The following SHQ1 variants were observed in gnomAD, a reference collection of about 807,000 sequenced individuals.
SHQ1 encodes protein SHQ1 homolog.
Under a neutral mutation model 53.8 loss-of-function variants are expected in SHQ1, and 49 were observed. The ratio of observed to expected loss-of-function variants is 0.91; its 90% CI spans 0.72 to 1.16. The LOEUF (loss-of-function observed/expected upper bound fraction) is 1.16, where lower values mean the gene tolerates loss of function less well. Ranked by LOEUF, SHQ1 falls within the 50% of genes most tolerant of loss-of-function variation. The pLI is 0.00. For synonymous variants in SHQ1, 243 were observed against 251.0 expected (o/e 0.97, Z 0.30); for missense variants, 738 against 683.1 (o/e 1.08, Z -0.90).
chr3:72,750,834 G>A lies in SHQ1; in HGVS notation c.1184C>T (p.Ser395Phe), dbSNP rs761557327. Residue 395 changes from serine to phenylalanine, a missense_variant and splice_region_variant, in exon 11 of 11, where the codon TCC becomes TTC. Physicochemically the swap from Ser to Phe is radical, Grantham distance 155. Coordinates refer to ENST00000325599, the MANE Select transcript of SHQ1 (RefSeq NM_018130.3). ...DYCVWIQKVK[S>F]KKLAALAEAL... The stretch of plus-strand genomic sequence containing the variant: ...TTCTGCAAGAGCTGCCAACTTTTTG[G>A]ATCTTGAAAACATTTTAAAAAGAAA... 1.0e-5 allele frequency: 15 copies of A among 1,505,950 alleles called. No individual in the cohort carries two copies. Among genetic ancestry groups the A allele is most frequent in the Middle Eastern group, 3.8e-4 (2 of 5,204 alleles). 93.3% of individuals were successfully genotyped at this position (1,505,950 alleles called of 1,614,324 possible).
At chr3:72,726,890 C>A in the SHQ1 span, among the ~76,000 whole-genome samples, 5 of 152,312 alleles carry the variant, frequency 3.3e-5, no homozygotes, top group South Asian at 1.0e-3. Flanking sequence ...TCTGCGCCTC[C>A]TTCGGAGCTA....
chr3:72,746,505 T>C (rs115137552), downstream of SHQ1, among the ~76,000 whole-genome samples: 1,738 of 152,314 alleles, frequency 0.011, 36 homozygotes, highest in African/African-American at 0.04. Flanking sequence ...AGTAACGTGA[T>C]ATAACAAAGC....
chr3:72,746,719 G>C (rs533772361), downstream of SHQ1, among the ~76,000 whole-genome samples: 7 of 152,306 alleles, frequency 4.6e-5, no homozygotes, highest in East Asian at 1.3e-3. Flanking sequence ...AAGTCTCACT[G>C]AAGTAGATCC....
At chr3:72,822,413 T>C (rs1464577335) in intron 6 of SHQ1, among the ~76,000 whole-genome samples, 1 of 152,178 alleles carries the variant, frequency 6.6e-6, no homozygotes, top group African/African-American at 2.4e-5. Flanking sequence ...CTTGATCTCC[T>C]GCTAAAATTA....
chr3:72,725,422 T>C, the SHQ1 span, among the ~76,000 whole-genome samples: 6 of 152,140 alleles, frequency 3.9e-5, no homozygotes, highest in Admixed American at 2.6e-4. Flanking sequence ...GCTCGCTCTG[T>C]GGAAAGTTCT....
At chr3:72,831,843 C>G (rs759656097) in intron 5 of SHQ1, among the ~76,000 whole-genome samples, 13 of 152,156 alleles carry the variant, frequency 8.5e-5, no homozygotes, top group Non-Finnish European at 1.8e-4. Context: ...GGAAATAATA[C>G]AGCAAAACTT....
chr3:72,817,856 T>C (rs1707368303), intron 6 of SHQ1, among the ~76,000 whole-genome samples: 1 of 152,206 alleles, frequency 6.6e-6, no homozygotes, highest in South Asian at 2.1e-4. Flanking sequence ...TAAATTTCAA[T>C]TCAAATTAAT....
At chr3:72,729,094 T>C in the SHQ1 span, among the ~76,000 whole-genome samples, 1 of 152,228 alleles carries the variant, frequency 6.6e-6, no homozygotes, top group Admixed American at 6.5e-5. Context: ...CTGAGTAAAC[T>C]GATGCGTGAA....
At chr3:72,733,400 T>G in the SHQ1 span, among the ~76,000 whole-genome samples, 1 of 151,268 alleles carries the variant, frequency 6.6e-6, no homozygotes, top group Non-Finnish European at 1.5e-5. Context: ...TAGGCACCAC[T>G]CTGGTGCAGG....
At chr3:72,807,130 T>G (rs192103559) in intron 9 of SHQ1, among the ~76,000 whole-genome samples, 26 of 152,328 alleles carry the variant, frequency 1.7e-4, no homozygotes, top group African/African-American at 6.3e-4. Flanking sequence ...GTTAGGAAAC[T>G]AGTAGGAGCT....
chr3:72,752,230 T>C (rs760048852), intron 10 of SHQ1, among the ~76,000 whole-genome samples: 1 of 152,136 alleles, frequency 6.6e-6, no homozygotes, highest in Non-Finnish European at 1.5e-5. Context: ...TACATATATA[T>C]AAAAAGGGAA....
chr3:72,750,642 T>G lies in SHQ1; in HGVS notation c.1376A>C (p.Asp459Ala), dbSNP rs780795478. 6.2e-7 allele frequency: 1 copy of G among 1,614,010 alleles called. No homozygotes were observed. Among genetic ancestry groups the G allele is most frequent in the Admixed American group, 1.7e-5 (1 of 60,012 alleles). Reference sequence around the variant, plus strand: ...TCCAGATGACACGCTGCTGTCTGAGTCCTCCGAATCACTTGCCTCAGAGCT... The same window carrying G: ...TCCAGATGACACGCTGCTGTCTGAGGCCTCCGAATCACTTGCCTCAGAGCT... ...CSSSEASDSE[D>A]SDSSVSSGNE... is the part of the protein sequence containing the mutation. The change falls in exon 11 of 11, where the codon GAC (aspartate) becomes GCC (alanine). Residue 459 changes from aspartate to alanine, a missense_variant. Physicochemically the swap from Asp to Ala is moderately radical, Grantham distance 126 (BLOSUM62 -2). Coordinates refer to ENST00000325599, the MANE Select transcript of SHQ1 (RefSeq NM_018130.3).
At chr3:72,753,796 G>T (rs1705440645) in intron 10 of SHQ1, 1 of 250,764 alleles carries the variant, frequency 4.0e-6, no homozygotes, top group Non-Finnish European at 6.3e-6. Context: ...GAATATGACG[G>T]CTGCAACATA....
chr3:72,794,254 G>C (rs1183669191), intron 9 of SHQ1: 1 of 152,166 alleles, frequency 6.6e-6, no homozygotes, highest in Non-Finnish European at 1.5e-5. Flanking sequence ...GCTAGATGAT[G>C]ACATCTCAAG....
intron 6 of SHQ1, among the ~76,000 whole-genome samples, chr3:72,817,733 A>G (rs973490829): frequency 6.6e-6 from 1 of 152,214 alleles, no homozygotes; most frequent in Non-Finnish European, 1.5e-5. Flanking sequence ...GTGCTAAATA[A>G]AGCACACTGA....
chr3:72,780,694 A>G (rs1012792680), intron 10 of SHQ1, among the ~76,000 whole-genome samples: 7 of 152,218 alleles, frequency 4.6e-5, no homozygotes, highest in Non-Finnish European at 1.0e-4. Context: ...AAGTGGCAAG[A>G]GTCAGGAGAA....
At chr3:72,846,431 G>C in intron 1 of SHQ1, 3 of 821,518 alleles carry the variant, frequency 3.7e-6, no homozygotes, top group Non-Finnish European at 5.6e-6. Context: ...AAGTAGCTAG[G>C]ACTACAAGCG....
intron 4 of SHQ1, among the ~76,000 whole-genome samples, chr3:72,833,483 TAGATAGATAGATAGATAGACAGACAGAC>T (rs1393897006): frequency 2.8e-4 from 25 of 88,580 alleles, no homozygotes; most frequent in African/African-American, 7.5e-4. Context: ...GATAGATAGA[TAGATAGATAGATAGATAGACAGACAGAC>T]AGACAGATAG....
intron 10 of SHQ1, among the ~76,000 whole-genome samples, chr3:72,776,384 G>C (rs560864607): frequency 6.6e-6 from 1 of 152,274 alleles, no homozygotes; most frequent in South Asian, 2.1e-4. Flanking sequence ...ATGGTCACAT[G>C]CTGTACAGGT....
Sources: gnomAD v4.1 joint callset for allele counts (sites outside exome capture counted in the v4.1 genomes callset) on GRCh38, gnomAD v4.1.1 for gene constraint, MANE v1.5 for transcripts, NCBI Gene and HGNC (gene_info 2026-07-23, HGNC 2026-07-21) for gene names.